Variants in NAALADL2 observed in about 807,000 individuals in gnomAD.
The protein encoded by NAALADL2 is N-acetylated alpha-linked acidic dipeptidase like 2, also known as inactive N-acetylated-alpha-linked acidic dipeptidase-like protein 2.
Under a neutral mutation model 87.2 loss-of-function variants are expected in NAALADL2, and 76 were observed. The observed-to-expected ratio is 0.87, with a 90% CI of 0.72 to 1.05. The LOEUF is 1.05. NAALADL2 is among the 50% of genes least tolerant of loss of function. NAALADL2 has a pLI of 0.00. For missense variants in NAALADL2, 1,089 were observed against 945.8 expected (o/e 1.15, Z -1.99); for synonymous variants, 354 against 331.0 (o/e 1.07, Z -0.75).
At chr3:175,017,182 T>A (rs568062776) in intron 1 of NAALADL2, among the ~76,000 whole-genome samples, 2 of 152,006 alleles carry the variant, frequency 1.3e-5, no homozygotes, top group African/African-American at 4.8e-5. Flanking sequence ...TTTTTTTCCC[T>A]CACATTGCTT....
At chr3:174,854,152 GAATA>G (rs1413844830) in intron 3 of NAALADL2, among the ~76,000 whole-genome samples, 1 of 152,056 alleles carries the variant, frequency 6.6e-6, no homozygotes, top group African/African-American at 2.4e-5. Context: ...ACAGATGAAT[GAATA>G]AATAAAATAT....
chr3:175,623,911 T>C (rs1461800903), intron 10 of NAALADL2, among the ~76,000 whole-genome samples: 1 of 151,210 alleles, frequency 6.6e-6, no homozygotes. Flanking sequence ...CTAAAGGGTA[T>C]CTAGGTTTCA....
intron 10 of NAALADL2, among the ~76,000 whole-genome samples, chr3:175,582,260 A>G (rs1242239069): frequency 6.6e-6 from 1 of 152,178 alleles, no homozygotes; most frequent in Non-Finnish European, 1.5e-5. Flanking sequence ...TACACTTAAA[A>G]CACAAATGGA....
intron 2 of NAALADL2, among the ~76,000 whole-genome samples, chr3:175,137,528 T>G (rs1007602475): frequency 1.3e-5 from 2 of 151,996 alleles, no homozygotes; most frequent in Admixed American, 6.6e-5. Context: ...AATAATCTTA[T>G]ACATAAAATA....
At chr3:174,716,425 T>C (rs6796245) in intron 2 of NAALADL2, among the ~76,000 whole-genome samples, 13 of 86,422 alleles carry the variant, frequency 1.5e-4, no homozygotes, top group African/African-American at 6.7e-4. Context: ...GTTCCAAATA[T>C]GATAATATGC....
At chr3:175,002,296 C>T (rs1295971909) in intron 1 of NAALADL2, among the ~76,000 whole-genome samples, 2 of 152,112 alleles carry the variant, frequency 1.3e-5, no homozygotes, top group East Asian at 1.9e-4. Flanking sequence ...AGAAACTAGA[C>T]AGTGGTGGAG....
chr3:175,748,446 C>T (rs1020252688), intron 12 of NAALADL2, among the ~76,000 whole-genome samples: 12 of 152,166 alleles, frequency 7.9e-5, no homozygotes, highest in African/African-American at 2.9e-4. Flanking sequence ...TAATCTTCTA[C>T]TCTTTTAACC....
intron 1 of NAALADL2, among the ~76,000 whole-genome samples, chr3:175,005,533 T>C (rs576273680): frequency 1.3e-5 from 2 of 152,270 alleles, no homozygotes; most frequent in African/African-American, 4.8e-5. Context: ...TCAGTAAATA[T>C]TTGTTAAAGG....
At chr3:174,707,841 CA>C (rs201927832) in intron 2 of NAALADL2, among the ~76,000 whole-genome samples, 232 of 142,482 alleles carry the variant, frequency 1.6e-3, no homozygotes, top group African/African-American at 5.0e-3. Context: ...GTCCAAAGCA[CA>C]AAAAAAAAAG....
chr3:175,592,795 C>A (rs578207304), intron 10 of NAALADL2, among the ~76,000 whole-genome samples: 18 of 150,802 alleles, frequency 1.2e-4, no homozygotes, highest in Admixed American at 1.1e-3. Flanking sequence ...TGCTAGATGA[C>A]GAGTTATTGG....
intron 2 of NAALADL2, chr3:175,218,188 G>C (rs1742840672): frequency 5.0e-6 from 2 of 397,670 alleles, no homozygotes; most frequent in African/African-American, 2.1e-5. Context: ...TCAAGTTTTA[G>C]TTAGTTTATA....
Position 174,804,479 on chromosome 3 carries a change from C to T in NAALADL2, c.-9+66733C>T, listed in dbSNP as rs1028999544. On this transcript the variant is annotated intron_variant, in intron 3 of 3. Transcript: ENST00000434257. ...TTATTTCTTTCTCTTGCTTGATTGC[C>T]CTAGCCAGAACTTCCAACGCTATGT... 2.0e-5 allele frequency among the ~76,000 whole-genome samples: 3 copies of T among 152,044 alleles called. 1 individual carries two copies. Among genetic ancestry groups the T allele is most frequent in the Non-Finnish European group, 4.4e-5 (3 of 68,016 alleles).
intron 13 of NAALADL2, among the ~76,000 whole-genome samples, chr3:175,800,695 A>G (rs1174278597): frequency 6.6e-6 from 1 of 152,156 alleles, no homozygotes; most frequent in African/African-American, 2.4e-5. Flanking sequence ...TTGAGGGTCT[A>G]CTGAGTTCCC....
chr3:175,718,850 A>G (rs1242287650), intron 11 of NAALADL2, among the ~76,000 whole-genome samples: 1 of 152,074 alleles, frequency 6.6e-6, no homozygotes, highest in Admixed American at 6.6e-5. Flanking sequence ...CAAAAAGACA[A>G]AAAACAAACA....
At chr3:175,789,260 T>C (rs1752489933) in intron 13 of NAALADL2, among the ~76,000 whole-genome samples, 1 of 148,964 alleles carries the variant, frequency 6.7e-6, no homozygotes, top group Non-Finnish European at 1.5e-5. Flanking sequence ...TTAATTTTTG[T>C]CAACTTCTAC....
intron 1 of NAALADL2, among the ~76,000 whole-genome samples, chr3:174,937,984 T>C (rs1737952249): frequency 6.6e-6 from 1 of 152,104 alleles, no homozygotes; most frequent in Non-Finnish European, 1.5e-5. Context: ...TTTATGGTAA[T>C]GTATTGTGAA....
At position 175,706,067 on chromosome 3, in the gene NAALADL2, T is replaced by C. The variant is rs148251133; in HGVS notation, c.1897-31239T>C. 1.1e-4 allele frequency among the ~76,000 whole-genome samples: 17 copies of C among 152,210 alleles called. No individual in the cohort carries two copies. In the East Asian group the frequency reaches 3.1e-3, roughly 28 times the overall value. On this transcript the variant is annotated intron_variant, in intron 11 of 13. Coordinates refer to ENST00000454872, the MANE Select transcript of NAALADL2 (RefSeq NM_207015.3). ...AAAGAATGATGAGATCAGGGAACTA[T>C]ATGAATGACAAAATAGACCATGAAG...
intron 3 of NAALADL2, among the ~76,000 whole-genome samples, chr3:174,749,978 T>C (rs930572175): frequency 5.3e-5 from 8 of 152,242 alleles, no homozygotes; most frequent in African/African-American, 1.9e-4. Context: ...TTTTATTTTC[T>C]GAACATGGAC....
intron 12 of NAALADL2, among the ~76,000 whole-genome samples, chr3:175,742,666 G>A (rs965367898): frequency 2.6e-5 from 4 of 152,132 alleles, no homozygotes; most frequent in African/African-American, 4.8e-5. Flanking sequence ...CAAAGTACTG[G>A]GATTACAGGC....
Sources: gnomAD v4.1 joint callset for allele counts (sites outside exome capture counted in the v4.1 genomes callset) on GRCh38, gnomAD v4.1.1 for gene constraint, MANE v1.5 for transcripts, NCBI Gene and HGNC (gene_info 2026-07-23, HGNC 2026-07-21) for gene names.